CIMIP2A: variants seen among roughly 807,000 people sequenced by gnomAD.
CIMIP2A encodes the protein ciliary microtubule inner protein 2A.
chr9:137,250,509 GC>G, the CIMIP2A span: 2 of 152,366 alleles, frequency 1.3e-5, no homozygotes, highest in Non-Finnish European at 2.9e-5. Flanking sequence ...CCCCAAGTTG[GC>G]CCTGTTCACA....
chr9:137,253,555 T>A, the CIMIP2A span: 1 of 1,349,832 alleles, frequency 7.4e-7, no homozygotes, highest in Non-Finnish European at 9.6e-7. Context: ...CTGGGTCATT[T>A]CCGGCTTTCC....
At chr9:137,254,427 C>G in the CIMIP2A span, among the ~76,000 whole-genome samples, 1 of 152,206 alleles carries the variant, frequency 6.6e-6, no homozygotes, top group Non-Finnish European at 1.5e-5. Flanking sequence ...GCTGCACCAC[C>G]AGGCACCCCT....
chr9:137,253,488 T>C, the CIMIP2A span: 12 of 1,430,974 alleles, frequency 8.4e-6, no homozygotes, highest in Non-Finnish European at 1.1e-5. Flanking sequence ...TCCCGAGCTC[T>C]GTGGTGTGCA....
At chr9:137,246,512 C>T in the CIMIP2A span, among the ~76,000 whole-genome samples, 1 of 152,232 alleles carries the variant, frequency 6.6e-6, no homozygotes, top group Admixed American at 6.5e-5. Flanking sequence ...GCCTGTCATC[C>T]CAGCACTTTG....
chr9:137,252,492 C>G, the CIMIP2A span: 1 of 1,609,598 alleles, frequency 6.2e-7, no homozygotes, highest in Non-Finnish European at 8.5e-7. Context: ...AAAGCCCCTT[C>G]ACGCAGAAAG....
the CIMIP2A span, chr9:137,244,642 C>T: frequency 1.2e-6 from 2 of 1,613,670 alleles, no homozygotes; most frequent in South Asian, 2.2e-5. Flanking sequence ...GCTTTCCTAC[C>T]TGGCTCTTGT....
chr9:137,251,464 G>C, the CIMIP2A span: 112 of 1,262,200 alleles, frequency 8.9e-5, no homozygotes, highest in Admixed American at 1.8e-5. Flanking sequence ...GGGACAGTGT[G>C]GGGGGCAGGT....
the CIMIP2A span, among the ~76,000 whole-genome samples, chr9:137,248,480 T>C: frequency 4.9e-4 from 72 of 148,090 alleles, no homozygotes; most frequent in Middle Eastern, 3.5e-3. Context: ...GAGGTGGAGA[T>C]TGCAATGAGC....
At chr9:137,249,974 C>T in the CIMIP2A span, among the ~76,000 whole-genome samples, 2 of 151,116 alleles carry the variant, frequency 1.3e-5, no homozygotes, top group African/African-American at 2.4e-5. Context: ...TGTCTGGAGG[C>T]CCTGCCCCTA....
chr9:137,252,740 T>C, the CIMIP2A span: 4 of 1,557,422 alleles, frequency 2.6e-6, no homozygotes, highest in Non-Finnish European at 1.7e-6. Context: ...CCACTCCGCT[T>C]CCAAGACACC....
chr9:137,250,388 G>A, the CIMIP2A span: 1 of 152,334 alleles, frequency 6.6e-6, no homozygotes, highest in African/African-American at 2.4e-5. Flanking sequence ...CCGGAGCACA[G>A]GCGTGAACCC....
chr9:137,251,475 TGCTGGGCAGGCG>T, the CIMIP2A span: 2 of 1,179,478 alleles, frequency 1.7e-6, no homozygotes, highest in South Asian at 2.8e-5. Context: ...GGGGGCAGGT[TGCTGGGCAGGCG>T]GCTGGGGGAC....
At chr9:137,252,905 C>T in the CIMIP2A span, 1 of 1,598,422 alleles carries the variant, frequency 6.3e-7, no homozygotes, top group Non-Finnish European at 8.5e-7. Flanking sequence ...CCTGCAGAGC[C>T]CCCGCTCGCC....
chr9:137,251,538 G>C, the CIMIP2A span: 1 of 960,428 alleles, frequency 1.0e-6, no homozygotes, highest in South Asian at 1.6e-5. Flanking sequence ...CAGGCGGCTG[G>C]GAGCGGCCAG....
At chr9:137,254,221 G>C in the CIMIP2A span, among the ~76,000 whole-genome samples, 1 of 152,220 alleles carries the variant, frequency 6.6e-6, no homozygotes, top group South Asian at 2.1e-4. Context: ...CCCTTTCTCA[G>C]AGAGGAATCC....
chr9:137,250,341 A>G, the CIMIP2A span: 1 of 152,366 alleles, frequency 6.6e-6, no homozygotes, highest in African/African-American at 2.4e-5. Context: ...ACTGGCAGCC[A>G]GTCAACTCTG....
the CIMIP2A span, chr9:137,253,222 A>T: frequency 5.6e-6 from 9 of 1,608,530 alleles, no homozygotes; most frequent in Non-Finnish European, 7.6e-6. Context: ...GCGCCACGAC[A>T]CAGGCCCCTT....
the CIMIP2A span, chr9:137,251,601 G>A: frequency 3.5e-5 from 40 of 1,155,714 alleles, no homozygotes; most frequent in Admixed American, 6.9e-5. Context: ...AGGGGCTGAG[G>A]GACAGTGTGG....
the CIMIP2A span, chr9:137,252,513 C>T: frequency 6.2e-7 from 1 of 1,603,042 alleles, no homozygotes; most frequent in Admixed American, 1.7e-5. Flanking sequence ...CTGACTTCGA[C>T]CAAGAGCAAA....
Sources: allele counts gnomAD v4.1 joint callset (sites outside exome capture counted in the v4.1 genomes callset), GRCh38; gene constraint gnomAD v4.1.1; transcripts MANE v1.5; gene names NCBI Gene and HGNC (gene_info 2026-07-23, HGNC 2026-07-21).